The following DSCAM variants were observed in gnomAD, a reference collection of about 807,000 sequenced individuals.
DSCAM encodes the protein DS cell adhesion molecule, also known as cell adhesion molecule DSCAM.
In DSCAM, 47 loss-of-function variants were observed where a neutral mutation model predicts 217.7. The observed-to-expected ratio is 0.22, with a 90% CI of 0.17 to 0.28. The LOEUF (loss-of-function observed/expected upper bound fraction) is 0.28. DSCAM is among the 10% of genes least tolerant of loss of function. DSCAM has a pLI of 1.00. For missense variants in DSCAM, 2,080 were observed against 2,618.3 expected, an observed-to-expected ratio of 0.79 and a Z score of 4.49; for synonymous variants, 1,056 against 1,015.3, an observed-to-expected ratio of 1.04 and a Z score of -0.76.
At chr21:40,055,882 G>A in intron 28 of DSCAM, 42 bp from the exon 29 acceptor site, 1 of 1,471,088 alleles carries the variant, frequency 6.8e-7, no homozygotes, top group African/African-American at 1.4e-5. Flanking sequence ...ATCCAGTTCA[G>A]TGTTAACATT....
At chr21:40,083,795 T>C (rs1189056888) in intron 24 of DSCAM, 113 bp downstream of exon 24, 1 of 689,894 alleles carries the variant, frequency 1.4e-6, no homozygotes, top group Non-Finnish European at 2.3e-6. Context: ...ATATGACGTA[T>C]TTTTGGGGGA....
intron 3 of DSCAM, among the ~76,000 whole-genome samples, chr21:40,606,155 T>C (rs2089235377): frequency 6.6e-6 from 1 of 152,162 alleles, no homozygotes. Flanking sequence ...TTTAAACAAA[T>C]ACTCTACTTT....
intron 3 of DSCAM, among the ~76,000 whole-genome samples, chr21:40,485,673 A>G (rs1406448174): frequency 1.3e-5 from 2 of 152,176 alleles, no homozygotes; most frequent in Non-Finnish European, 2.9e-5. Context: ...TATAAATTAC[A>G]TACTTAAATA....
In DSCAM at chr21:40,052,101, C is replaced by T. The variant is rs769552483; in HGVS notation, c.5042G>A (p.Arg1681His). 4.3e-6 allele frequency: 7 copies of T among 1,613,572 alleles called. No individual in the cohort carries two copies. Among genetic ancestry groups the T allele is most frequent in the Admixed American group, 1.7e-5 (1 of 59,926 alleles). ...ERDTMETIDD[R>H]STVLLTDADF... ...AGCATCCGTCAACAGAACCGTGGAGCGATCATCTACAGGATGGCAGGAACA... is the reference window on the plus strand; with the variant it reads ...AGCATCCGTCAACAGAACCGTGGAGTGATCATCTACAGGATGGCAGGAACA... The change falls in exon 30 of 33, where the codon CGC (arginine) becomes CAC (histidine). Residue 1681 changes from arginine to histidine, a missense_variant. By Grantham distance (29) the Arg-to-His change is conservative. This residue lies in a region of DSCAM where 1,144 missense variants were observed against 1,421.1 expected (regional missense o/e 0.81). Coordinates refer to ENST00000400454, the MANE Select transcript of DSCAM (RefSeq NM_001389.5).
intron 3 of DSCAM, among the ~76,000 whole-genome samples, chr21:40,502,160 G>A (rs1046898865): frequency 1.3e-5 from 2 of 152,054 alleles, no homozygotes; most frequent in African/African-American, 4.8e-5. Flanking sequence ...AACCACAGTA[G>A]TATTAGTACT....
At chr21:40,773,000 G>A (rs961305319) in intron 1 of DSCAM, among the ~76,000 whole-genome samples, 10 of 152,208 alleles carry the variant, frequency 6.6e-5, no homozygotes, top group Non-Finnish European at 1.3e-4. Context: ...TCAAAGCATT[G>A]GCCCTATTGC....
At chr21:40,252,849 G>C (rs548471795) in intron 11 of DSCAM, among the ~76,000 whole-genome samples, 1 of 152,148 alleles carries the variant, frequency 6.6e-6, no homozygotes, top group Non-Finnish European at 1.5e-5. Context: ...AAACAAAATT[G>C]GGGGAAGTGG....
intron 11 of DSCAM, among the ~76,000 whole-genome samples, chr21:40,274,734 G>C (rs565141563): frequency 1.3e-5 from 2 of 152,260 alleles, no homozygotes; most frequent in African/African-American, 4.8e-5. Flanking sequence ...TAGGTATTGA[G>C]TATGTGCAAA....
At chr21:40,723,744 C>T (rs574412050) in intron 1 of DSCAM, among the ~76,000 whole-genome samples, 2 of 152,104 alleles carry the variant, frequency 1.3e-5, no homozygotes, top group East Asian at 3.9e-4. Flanking sequence ...ATCTAAATTC[C>T]ATTATATAGA....
intron 15 of DSCAM, among the ~76,000 whole-genome samples, chr21:40,169,263 G>A (rs1056645586): frequency 4.6e-5 from 7 of 152,084 alleles, no homozygotes; most frequent in South Asian, 2.1e-4. Flanking sequence ...TGAAAGAAGC[G>A]GGTTGAAACC....
intron 1 of DSCAM, among the ~76,000 whole-genome samples, chr21:40,752,649 T>C (rs1167947655): frequency 6.6e-6 from 1 of 152,150 alleles, no homozygotes; most frequent in Non-Finnish European, 1.5e-5. Context: ...ATTACATCAC[T>C]GTACTCCAGC....
intron 3 of DSCAM, among the ~76,000 whole-genome samples, chr21:40,598,920 T>C (rs1204350527): frequency 1.3e-5 from 2 of 152,234 alleles, no homozygotes; most frequent in Non-Finnish European, 2.9e-5. Flanking sequence ...TATCTCGTTA[T>C]TGTTTTAATT....
chr21:40,720,416 C>T (rs548608035), intron 1 of DSCAM, among the ~76,000 whole-genome samples: 1 of 152,150 alleles, frequency 6.6e-6, no homozygotes, highest in Non-Finnish European at 1.5e-5. Context: ...CTTATAATGA[C>T]TTGGAAAGCA....
rs771176555 is a variant in DSCAM, at chr21:40,347,788, C to T, written c.1092G>A (p.Gly364=). 5.0e-6 allele frequency: 8 copies of T among 1,614,174 alleles called. No individual in the cohort carries two copies. In the East Asian group the frequency reaches 1.1e-4, roughly 22 times the overall value. The change falls in exon 6 of 33, where the codon GGG becomes GGA. Residue 364 remains glycine (G), a synonymous_variant. Coordinates refer to ENST00000400454, the MANE Select transcript of DSCAM (RefSeq NM_001389.5). The part of the protein sequence containing the change: ...LNPGKNVRIT[G]INHENLIMDH... ...CCATTATAAGGTTTTCGTGGTTGAT[C>T]CCTGTGATCCTCACATTTTTTCCAG...
chr21:40,111,691 T>A (rs150550920), intron 20 of DSCAM, among the ~76,000 whole-genome samples: 1 of 151,910 alleles, frequency 6.6e-6, no homozygotes, highest in African/African-American at 2.4e-5. Context: ...CAGAGACACA[T>A]ATAGGCTCAA....
chr21:40,282,590 C>CAAAAAAAAA (rs528248714), intron 10 of DSCAM, among the ~76,000 whole-genome samples: 1 of 32,952 alleles, frequency 3.0e-5, no homozygotes, highest in African/African-American at 5.8e-5. Context: ...GACTCTGTCT[C>CAAAAAAAAA]AAAAAAAAAA....
intron 5 of DSCAM, among the ~76,000 whole-genome samples, chr21:40,351,476 G>A (rs1248448855): frequency 6.6e-6 from 1 of 152,214 alleles, no homozygotes; most frequent in Non-Finnish European, 1.5e-5. Context: ...CGCCAAGGCT[G>A]TAAGTACAGA....
chr21:40,463,597 T>C (rs978396280), intron 3 of DSCAM, among the ~76,000 whole-genome samples: 3 of 152,168 alleles, frequency 2.0e-5, no homozygotes, highest in African/African-American at 7.2e-5. Flanking sequence ...CTTTGCAACA[T>C]AGGCTGCTGC....
chr21:40,468,453 G>T (rs1017400486), intron 3 of DSCAM, among the ~76,000 whole-genome samples: 19 of 152,204 alleles, frequency 1.2e-4, no homozygotes, highest in Admixed American at 1.0e-3. Flanking sequence ...ATATTTCAGG[G>T]TTACTATGAA....
Sources: allele counts gnomAD v4.1 joint callset (sites outside exome capture counted in the v4.1 genomes callset), GRCh38; gene constraint gnomAD v4.1.1; regional missense constraint gnomAD v4.1.1; transcripts MANE v1.5; gene names NCBI Gene and HGNC (gene_info 2026-07-23, HGNC 2026-07-21).